Variants in PLPPR1 observed in about 807,000 individuals in gnomAD.
PLPPR1 encodes the protein phospholipid phosphatase related 1.
PLPPR1 carries 10 observed loss-of-function variants against 33.1 expected under a neutral mutation model. The observed-to-expected ratio is 0.30, with a 90% CI of 0.19 to 0.51. The LOEUF is 0.51. Among genes scored for constraint, PLPPR1 ranks in the 20% least tolerant of loss-of-function variants. PLPPR1 has a pLI of 0.97. For synonymous variants in PLPPR1, 151 were observed against 151.0 expected (o/e 1.00, Z 0.00); for missense variants, 304 against 408.1 (o/e 0.74, Z 2.20).
chr9:101,307,518 CAATG>C (rs1368852192), intron 4 of PLPPR1, among the ~76,000 whole-genome samples: 9 of 152,118 alleles, frequency 5.9e-5, no homozygotes, highest in Admixed American at 5.2e-4. Context: ...CTCGGATGAT[CAATG>C]AATGCCTGCT....
rs371201744 is a variant in PLPPR1 at position 101,200,170 on chromosome 9, G to A, written c.63+14613G>A. 2.6e-5 allele frequency among the ~76,000 whole-genome samples: 4 copies of A among 152,274 alleles called. No homozygotes were observed. In the East Asian group the frequency reaches 7.7e-4, roughly 29 times the overall value. Reference sequence around the variant, plus strand: ...GGAGCAGTCCTCAACTAAAGAAGGAGGGGTGATGGTAGATAAATAATCCAG... The same window carrying A: ...GGAGCAGTCCTCAACTAAAGAAGGAAGGGTGATGGTAGATAAATAATCCAG... On this transcript the variant is annotated intron_variant, in intron 2 of 7. Transcript: ENST00000374874.
chr9:101,263,404 T>C (rs1827935145), intron 2 of PLPPR1, among the ~76,000 whole-genome samples: 1 of 152,210 alleles, frequency 6.6e-6, no homozygotes. Flanking sequence ...CTATTTTATA[T>C]CACCATATTT....
At chr9:101,213,790 CTTAGT>C (rs1048984919) in intron 2 of PLPPR1, among the ~76,000 whole-genome samples, 2 of 152,076 alleles carry the variant, frequency 1.3e-5, no homozygotes, top group African/African-American at 4.8e-5. Flanking sequence ...CAGAGGGAAA[CTTAGT>C]TTAATCATAA....
At chr9:101,226,410 C>CTGTT (rs1433246231) in intron 2 of PLPPR1, among the ~76,000 whole-genome samples, 2 of 152,126 alleles carry the variant, frequency 1.3e-5, no homozygotes, top group Non-Finnish European at 2.9e-5. Flanking sequence ...TTGTCATAGG[C>CTGTT]TGTTTGTGCT....
intron 1 of PLPPR1, among the ~76,000 whole-genome samples, chr9:101,037,028 G>A (rs895566967): frequency 2.0e-5 from 3 of 152,016 alleles, no homozygotes; most frequent in Non-Finnish European, 2.9e-5. Flanking sequence ...TAGAGTTTCA[G>A]ATCACCCCAT....
intron 1 of PLPPR1, among the ~76,000 whole-genome samples, chr9:101,126,970 A>G (rs1316215404): frequency 1.3e-5 from 2 of 152,122 alleles, no homozygotes; most frequent in South Asian, 2.1e-4. Context: ...TCTCCCATTT[A>G]TCCAACTCCA....
At chr9:101,138,504 C>G (rs758849831) in intron 1 of PLPPR1, among the ~76,000 whole-genome samples, 1 of 152,170 alleles carries the variant, frequency 6.6e-6, no homozygotes, top group Non-Finnish European at 1.5e-5. Context: ...TATTTCTCAT[C>G]ACAGAGATGC....
chr9:101,284,571 A>G (rs572796685), intron 3 of PLPPR1, among the ~76,000 whole-genome samples: 31 of 152,338 alleles, frequency 2.0e-4, no homozygotes, highest in Middle Eastern at 6.8e-3. Flanking sequence ...TAGATTTATT[A>G]ACATCACAGT....
chr9:101,289,940 C>T (rs1418458549), intron 4 of PLPPR1, among the ~76,000 whole-genome samples: 1 of 152,194 alleles, frequency 6.6e-6, no homozygotes, highest in Non-Finnish European at 1.5e-5. Flanking sequence ...TTTATTACCA[C>T]TTTCAGCTTA....
intron 1 of PLPPR1, among the ~76,000 whole-genome samples, chr9:101,082,624 A>G (rs1830634598): frequency 6.6e-6 from 1 of 152,134 alleles, no homozygotes; most frequent in African/African-American, 2.4e-5. Context: ...TTTGCACTGG[A>G]AGCTTGGCCA....
chr9:101,037,405 A>G (rs1010013144), intron 1 of PLPPR1, among the ~76,000 whole-genome samples: 1 of 152,082 alleles, frequency 6.6e-6, no homozygotes, highest in Non-Finnish European at 1.5e-5. Flanking sequence ...ATCTGTCACA[A>G]TGAAGGGTAA....
At chr9:101,192,635 A>G (rs1826317491) in intron 2 of PLPPR1, among the ~76,000 whole-genome samples, 1 of 152,140 alleles carries the variant, frequency 6.6e-6, no homozygotes, top group Non-Finnish European at 1.5e-5. Flanking sequence ...TACCCAATAT[A>G]AAACAACAAA....
At chr9:101,143,655 C>T (rs6479042) in intron 1 of PLPPR1, among the ~76,000 whole-genome samples, 72,390 of 151,964 alleles carry the variant, frequency 0.48, 17,815 homozygotes, top group Non-Finnish European at 0.54. Context: ...AAGACATTTA[C>T]GCAGCCAACA....
rs5899427 is a variant in PLPPR1, at chr9:101,036,701, C to CAAAA, written c.-46+7616_-46+7619dup. ...AATGACAAAGCTTGGCTATTTCTGC[C>CAAAA]AAAAAAAAAAAAAAAAAAAAGAAGA... On this transcript the variant is annotated intron_variant, in intron 1 of 7. Coordinates refer to ENST00000374874, the MANE Select transcript of PLPPR1 (RefSeq NM_207299.2). 9.1e-4 allele frequency among the ~76,000 whole-genome samples: 94 copies of CAAAA among 103,654 alleles called. 1 individual carries two copies. The highest frequency in any genetic ancestry group is 6.8e-3 in the East Asian group (25 of 3,702). 68.0% of individuals were successfully genotyped at this position (103,654 alleles called of 152,430 possible).
chr9:101,276,368 C>A, intron 3 of PLPPR1, among the ~76,000 whole-genome samples: 1 of 151,860 alleles, frequency 6.6e-6, no homozygotes, highest in East Asian at 1.9e-4. Context: ...TTCTCATTTT[C>A]TGTCCATACT....
At chr9:101,321,794 T>C (rs1231090566) in intron 7 of PLPPR1, among the ~76,000 whole-genome samples, 1 of 148,248 alleles carries the variant, frequency 6.7e-6, no homozygotes, top group Non-Finnish European at 1.5e-5. Flanking sequence ...TATATATTTA[T>C]ATACATATAT....
intron 2 of PLPPR1, among the ~76,000 whole-genome samples, chr9:101,240,874 G>A (rs969857192): frequency 6.6e-6 from 1 of 152,056 alleles, no homozygotes; most frequent in African/African-American, 2.4e-5. Context: ...GGTGCTTTCT[G>A]TGTAAGTCTC....
intron 1 of PLPPR1, among the ~76,000 whole-genome samples, chr9:101,156,301 G>A (rs1410681430): frequency 6.6e-6 from 1 of 152,092 alleles, no homozygotes; most frequent in Non-Finnish European, 1.5e-5. Context: ...TGTAATCCCA[G>A]TAATTTGAGA....
chr9:101,140,641 C>A (rs1831438554), intron 1 of PLPPR1, among the ~76,000 whole-genome samples: 1 of 152,104 alleles, frequency 6.6e-6, no homozygotes, highest in South Asian at 2.1e-4. Context: ...CACATAATAA[C>A]CTAACAGAAG....
Sources: gnomAD v4.1 joint callset for allele counts (sites outside exome capture counted in the v4.1 genomes callset) on GRCh38, gnomAD v4.1.1 for gene constraint, MANE v1.5 for transcripts, NCBI Gene and HGNC (gene_info 2026-07-23, HGNC 2026-07-21) for gene names.